NFIX: variants seen among roughly 807,000 people sequenced by gnomAD.
NFIX encodes the protein nuclear factor 1 X-type.
In NFIX, 2 loss-of-function variants were observed where a neutral mutation model predicts 53.3. The observed-to-expected ratio is 0.04, with a 90% CI of 0.02 to 0.12. NFIX has a LOEUF of 0.12. NFIX is among the 10% of genes least tolerant of loss of function. The pLI, the probability that NFIX is intolerant of heterozygous loss-of-function variation, is 1.00. For missense variants in NFIX, 310 were observed against 674.5 expected (o/e 0.46, Z 5.99); for synonymous variants, 244 against 289.0 (o/e 0.84, Z 1.58).
chr19:13,055,544 G>C (rs1027734959), intron 2 of NFIX, among the ~76,000 whole-genome samples: 4 of 152,226 alleles, frequency 2.6e-5, no homozygotes, highest in African/African-American at 9.6e-5. Context: ...TGTCTGTGGA[G>C]TGAGGAGCCG....
At chr19:13,023,975 C>CAA in intron 1 of NFIX, 1 of 1,284,120 alleles carries the variant, frequency 7.8e-7, no homozygotes, top group African/African-American at 1.6e-5. Flanking sequence ...ACTCACAACT[C>CAA]TTTTGAGTCC....
rs2016855281 is a variant in NFIX at position 13,072,959 on chromosome 19, T to A, written c.560-88T>A. 1 of 1,320,156 alleles carries A rather than the reference T, an allele frequency of 7.6e-7. No individual in the cohort carries two copies. The highest frequency in any genetic ancestry group is 1.2e-5 in the South Asian group (1 of 85,230). The allele number at this position is 1,320,156 out of a possible 1,614,324, so 81.8% of individuals were successfully genotyped here. Reference sequence around the variant, plus strand: ...TAGCCAGGGTGGGCCGTCCCTGCTCTTGCACCAGGCTGGAGGGGCCAATGC... The same window carrying A: ...TAGCCAGGGTGGGCCGTCCCTGCTCATGCACCAGGCTGGAGGGGCCAATGC... On this transcript the variant is annotated intron_variant, in intron 2 of 10. Transcript: ENST00000592199. The surrounding 1 kb of genome is among the most constrained non-coding windows in gnomAD (Gnocchi z 4.0).
Position 13,001,072 on chromosome 19 carries a change from C to T in NFIX, c.27+5208C>T, listed in dbSNP as rs1406985156. 1.3e-5 allele frequency among the ~76,000 whole-genome samples: 2 copies of T among 152,058 alleles called. No homozygotes were observed. The highest frequency in any genetic ancestry group is 2.9e-5 in the Non-Finnish European group (2 of 68,004). On this transcript the variant is annotated intron_variant, in intron 1 of 10. Coordinates refer to ENST00000592199, the MANE Select transcript of NFIX (RefSeq NM_001365902.3). The surrounding 1 kb of genome is among the most constrained non-coding windows in gnomAD (Gnocchi z 6.5). ...TCTCCAACACGGTGCTGAGAATGGG[C>T]CTTCTGTCCCCTCCCTCCCAGCTGG... is the stretch of plus-strand genomic sequence containing the variant.
rs1028399147 is a variant in NFIX, at chr19:13,012,327, CAAT to C, written c.28-12693_28-12691del. 6.6e-6 allele frequency: 1 copy of C among 152,126 alleles called. No individual in the cohort carries two copies. The highest frequency in any genetic ancestry group is 6.5e-5 in the Admixed American group (1 of 15,274). The allele number at this position is 152,126 out of a possible 1,614,324, so 9.4% of individuals were successfully genotyped here. Reference sequence around the variant, plus strand: ...ACCGTTTGTGCCGCCAGAGTCTTCTCAATGATCCCTCCCAGGCACCGTAGGCCC... The same window carrying C: ...ACCGTTTGTGCCGCCAGAGTCTTCTCGATCCCTCCCAGGCACCGTAGGCCC... On this transcript the variant is annotated intron_variant, in intron 1 of 10. Transcript: ENST00000592199. This position sits in a 1 kb window ranked among gnomAD's most constrained non-coding sequence, Gnocchi z 5.0.
intron 2 of NFIX, among the ~76,000 whole-genome samples, chr19:13,055,471 G>A (rs1258977280): frequency 6.6e-6 from 1 of 152,194 alleles, no homozygotes; most frequent in Non-Finnish European, 1.5e-5. Flanking sequence ...CCTCTGGTGC[G>A]AGGGCCGGCC....
chr19:13,061,116 G>T (rs1318303615), intron 2 of NFIX, among the ~76,000 whole-genome samples: 1 of 129,376 alleles, frequency 7.7e-6, no homozygotes, highest in Non-Finnish European at 1.6e-5. Context: ...GGGCAGCTCC[G>T]TTCTGAAAGA....
chr19:13,003,914 A>G (rs1452565162), intron 1 of NFIX, among the ~76,000 whole-genome samples: 2 of 151,884 alleles, frequency 1.3e-5, no homozygotes, highest in Non-Finnish European at 1.5e-5. Context: ...AGCTGGGACT[A>G]CAGCCGAGCA....
chr19:13,073,524 G>C lies in NFIX; in HGVS notation c.697+28G>C, dbSNP rs2016893404. ...AAGTGAGTCCTTCCTTCCAGGCCAG[G>C]GATGGGGATTGAAAGTGAGGAGGTG... On this transcript the variant is annotated intron_variant, in intron 4 of 10. Coordinates refer to ENST00000592199, the MANE Select transcript of NFIX (RefSeq NM_001365902.3). The surrounding 1 kb of genome is among the most constrained non-coding windows in gnomAD (Gnocchi z 4.5). 6.2e-7 allele frequency: 1 copy of C among 1,601,274 alleles called. No individual in the cohort carries two copies. The highest frequency in any genetic ancestry group is 8.6e-7 in the Non-Finnish European group (1 of 1,168,506).
chr19:13,062,214 C>T (rs2016136495), intron 2 of NFIX, among the ~76,000 whole-genome samples: 1 of 152,166 alleles, frequency 6.6e-6, no homozygotes, highest in African/African-American at 2.4e-5. Flanking sequence ...CAAGTATGTT[C>T]AGTCCTGTGT....
At chr19:13,029,776 C>G (rs1320361892) in intron 2 of NFIX, among the ~76,000 whole-genome samples, 2 of 152,186 alleles carry the variant, frequency 1.3e-5, no homozygotes, top group Non-Finnish European at 1.5e-5. Context: ...TGTGGGGTTG[C>G]CTTCTCAGGT....
rs1433732691 is a variant in NFIX at position 13,043,327 on chromosome 19, A to G, written c.559+17775A>G. The stretch of plus-strand genomic sequence containing the variant: ...CCCTTGGGGGTCACCGTGGCATGGC[A>G]GTTTCCTCTCAGCTTCTGGCCTTGG... On this transcript the variant is annotated intron_variant, in intron 2 of 10. Coordinates refer to ENST00000592199, the MANE Select transcript of NFIX (RefSeq NM_001365902.3). The surrounding 1 kb of genome is among the most constrained non-coding windows in gnomAD (Gnocchi z 4.0). Among the ~76,000 whole-genome samples, 1 of 152,216 alleles carries G rather than the reference A, an allele frequency of 6.6e-6. No homozygotes were observed. The highest frequency in any genetic ancestry group is 1.9e-4 in the East Asian group (1 of 5,196).
At chr19:13,076,542 G>A (rs367780058) in intron 6 of NFIX, among the ~76,000 whole-genome samples, 1 of 152,184 alleles carries the variant, frequency 6.6e-6, no homozygotes, top group African/African-American at 2.4e-5. Flanking sequence ...GGTACAGCCC[G>A]TGTTTATCCT....
intron 1 of NFIX, chr19:13,024,746 G>T: frequency 4.6e-6 from 7 of 1,524,290 alleles, no homozygotes; most frequent in Non-Finnish European, 4.4e-6. Flanking sequence ...GAGAGAGAGA[G>T]AATAGGTGTG....
intron 2 of NFIX, among the ~76,000 whole-genome samples, chr19:13,050,328 G>A (rs956466694): frequency 6.6e-6 from 1 of 152,198 alleles, no homozygotes; most frequent in South Asian, 2.1e-4. Context: ...TTCCCCTTTT[G>A]TCTGACGGCC....
In NFIX at chr19:13,078,637, G is replaced by A; in HGVS notation, c.980G>A (p.Gly327Glu). The change falls in exon 7 of 11, where the codon GGA becomes GAA. Residue 327 changes from glycine to glutamate, a missense_variant. Physicochemically the swap from Gly to Glu is moderately conservative, Grantham distance 98. Around this residue, in one of 5 missense-constraint regions of NFIX, gnomAD observed 164 missense variants for 284.4 expected, o/e 0.58. Transcript: ENST00000592199. This position sits in a 1 kb window ranked among gnomAD's most constrained non-coding sequence, Gnocchi z 4.7. ...GGCCCGGCTTCTCTAAAGAAGTCAG[G>A]AAAGCTGGACTTCTGCAGTGCCCTC... is the stretch of plus-strand genomic sequence containing the variant. ...DAGPASLKKS[G>E]KLDFCSALSS... is the part of the protein sequence containing the mutation. 1.2e-6 allele frequency: 2 copies of A among 1,601,806 alleles called. No individual in the cohort carries two copies. Among genetic ancestry groups the A allele is most frequent in the Non-Finnish European group, 1.7e-6 (2 of 1,174,544 alleles).
Position 13,011,492 on chromosome 19 carries a change from G to C in NFIX, c.28-13529G>C, listed in dbSNP as rs554507887. Among the ~76,000 whole-genome samples, 23 of 150,450 alleles carry C rather than the reference G, an allele frequency of 1.5e-4. No individual in the cohort carries two copies. In the South Asian group the frequency reaches 3.6e-3, roughly 24 times the overall value. On this transcript the variant is annotated intron_variant, in intron 1 of 10. Coordinates refer to ENST00000592199, the MANE Select transcript of NFIX (RefSeq NM_001365902.3). This position sits in a 1 kb window ranked among gnomAD's most constrained non-coding sequence, Gnocchi z 6.5. Reference sequence around the variant, plus strand: ...AGGCGAGTTCCCTGCGCGCATCATGGACTTCAGGAGTGAGGGTGGGTGGGT... The same window carrying C: ...AGGCGAGTTCCCTGCGCGCATCATGCACTTCAGGAGTGAGGGTGGGTGGGT...
At chr19:13,029,795 T>C (rs2013655544) in intron 2 of NFIX, among the ~76,000 whole-genome samples, 1 of 152,222 alleles carries the variant, frequency 6.6e-6, no homozygotes, top group Non-Finnish European at 1.5e-5. Flanking sequence ...GTATGAGAGC[T>C]TCTTGGTTTC....
At position 13,068,874 on chromosome 19, in the gene NFIX, G is replaced by A. The variant is rs1040512796; in HGVS notation, c.560-4173G>A. 6.6e-6 allele frequency among the ~76,000 whole-genome samples: 1 copy of A among 152,226 alleles called. No homozygotes were observed. The highest frequency in any genetic ancestry group is 2.1e-4 in the South Asian group (1 of 4,832). Reference sequence around the variant, plus strand: ...GCAGAGCTGCGTGTTTGTGTGACACGAGCCAGCCTGACACCCCCAAACAGC... The same window carrying A: ...GCAGAGCTGCGTGTTTGTGTGACACAAGCCAGCCTGACACCCCCAAACAGC... On this transcript the variant is annotated intron_variant, in intron 2 of 10. Transcript: ENST00000592199. This position sits in a 1 kb window ranked among gnomAD's most constrained non-coding sequence, Gnocchi z 4.2.
chr19:13,067,445 C>T lies in NFIX; in HGVS notation c.560-5602C>T, dbSNP rs2016477978. ...GGACGGCAAGAAGTGGTTAGTGGCA[C>T]CTCCGTGTGTGTGCGCGCGTGTGTG... is the stretch of plus-strand genomic sequence containing the variant. On this transcript the variant is annotated intron_variant, in intron 2 of 10. Coordinates refer to ENST00000592199, the MANE Select transcript of NFIX (RefSeq NM_001365902.3). This position sits in a 1 kb window ranked among gnomAD's most constrained non-coding sequence, Gnocchi z 4.2. Among the ~76,000 whole-genome samples, 2 of 150,856 alleles carry T rather than the reference C, an allele frequency of 1.3e-5. No homozygotes were observed. Among genetic ancestry groups the T allele is most frequent in the African/African-American group, 4.9e-5 (2 of 40,778 alleles).
Sources: allele counts gnomAD v4.1 joint callset (sites outside exome capture counted in the v4.1 genomes callset), GRCh38; gene constraint gnomAD v4.1.1; regional missense constraint gnomAD v4.1.1; non-coding constraint Gnocchi (gnomAD v3.1); transcripts MANE v1.5; gene names NCBI Gene and HGNC (gene_info 2026-07-23, HGNC 2026-07-21).